The following BAZ2B variants were observed in gnomAD, a reference collection of about 807,000 sequenced individuals.
The protein encoded by BAZ2B is bromodomain adjacent to zinc finger domain 2B.
In BAZ2B, 91 loss-of-function variants were observed where a neutral mutation model predicts 246.0. The observed-to-expected ratio is 0.37, with a 90% CI of 0.31 to 0.44. The LOEUF (loss-of-function observed/expected upper bound fraction) is 0.44. Among genes scored for constraint, BAZ2B ranks in the 20% least tolerant of loss-of-function variants. The pLI, the probability that BAZ2B is intolerant of heterozygous loss-of-function variation, is 1.00. For missense variants in BAZ2B, 2,332 were observed against 2,533.7 expected (o/e 0.92, Z 1.71); for synonymous variants, 855 against 860.0 (o/e 0.99, Z 0.10).
rs536258103 is a variant in BAZ2B, at chr2:159,490,626, T to C, written c.-2-11905A>G. Among the ~76,000 whole-genome samples the C allele has an allele frequency of 6.6e-5, 10 of 152,158 alleles. No homozygotes were observed. The East Asian group carries it at 1.7e-3, about 26-fold the overall frequency. On this transcript the variant is annotated intron_variant, in intron 2 of 36. Transcript: ENST00000392783. ...GCCTCGATCTTCCCTGCTCAAGCAGTCCTCCCACCTGAGCCTCCTGAGTAG... is the reference window on the plus strand; with the variant it reads ...GCCTCGATCTTCCCTGCTCAAGCAGCCCTCCCACCTGAGCCTCCTGAGTAG...
chr2:159,468,896 A>C (rs1577405043), intron 3 of BAZ2B, among the ~76,000 whole-genome samples: 1 of 152,040 alleles, frequency 6.6e-6, no homozygotes, highest in East Asian at 1.9e-4. Context: ...TAAAAATATA[A>C]AAAAATTAGC....
intron 1 of BAZ2B, among the ~76,000 whole-genome samples, chr2:159,581,750 G>T (rs1686838970): frequency 6.6e-6 from 1 of 151,964 alleles, no homozygotes; most frequent in African/African-American, 2.4e-5. Context: ...CCATAAAAAA[G>T]GATGAGTTCA....
chr2:159,667,587 C>T, the BAZ2B span, among the ~76,000 whole-genome samples: 1 of 147,196 alleles, frequency 6.8e-6, no homozygotes, highest in African/African-American at 2.5e-5. Flanking sequence ...CAGAGTGTGA[C>T]TCTGTCTCAA....
rs542681094 is a variant in BAZ2B, at chr2:159,519,354, C to T, written c.-3+36469G>A. 2.0e-3 allele frequency among the ~76,000 whole-genome samples: 301 copies of T among 148,328 alleles called. 3 individuals carry two copies. Among genetic ancestry groups the T allele is most frequent in the Non-Finnish European group, 2.3e-3 (157 of 66,948 alleles). On this transcript the variant is annotated intron_variant, in intron 2 of 36. Coordinates refer to ENST00000392783, the MANE Select transcript of BAZ2B (RefSeq NM_013450.4). ...ACGCCATTCTCCTGCCTCAGCCTCC[C>T]GAGTAGCTGGGACTACAGGCGCCCG...
chr2:159,598,389 T>C (rs557826077), intron 1 of BAZ2B, among the ~76,000 whole-genome samples: 1 of 152,332 alleles, frequency 6.6e-6, no homozygotes, highest in Non-Finnish European at 1.5e-5. Flanking sequence ...CAGTGTCAAA[T>C]CAAAAGAGAT....
intron 1 of BAZ2B, among the ~76,000 whole-genome samples, chr2:159,590,774 A>T (rs941990449): frequency 2.0e-5 from 3 of 152,076 alleles, no homozygotes; most frequent in African/African-American, 7.2e-5. Flanking sequence ...AAAGAAGCAA[A>T]TTTTTAGCAA....
intron 1 of BAZ2B, among the ~76,000 whole-genome samples, chr2:159,582,678 C>T (rs1422413813): frequency 6.6e-6 from 1 of 151,956 alleles, no homozygotes; most frequent in Non-Finnish European, 1.5e-5. Context: ...AGCCACTGGG[C>T]CTGGATGTTC....
At chr2:159,431,702 A>T (rs1052364136) in intron 9 of BAZ2B, among the ~76,000 whole-genome samples, 6 of 152,188 alleles carry the variant, frequency 3.9e-5, no homozygotes, top group African/African-American at 1.4e-4. Context: ...TACAGAAATA[A>T]TTATAGTAGG....
In BAZ2B at chr2:159,320,117, G is replaced by T; in HGVS notation, c.*148C>A. 1.4e-6 allele frequency: 1 copy of T among 704,528 alleles called. No individual in the cohort carries two copies. The highest frequency in any genetic ancestry group is 4.3e-5 in the Admixed American group (1 of 23,388). 43.6% of individuals were successfully genotyped at this position (704,528 alleles called of 1,614,324 possible). A position where few individuals can be genotyped will look rare whatever the true frequency, so the allele number is the denominator to read the frequency against. The stretch of plus-strand genomic sequence containing the variant: ...TGTAGGAATGAAGCCTTTAAAAATG[G>T]TATCATTCTTCTGATACTTTTTTTT... On this transcript the variant is annotated 3_prime_UTR_variant, in exon 37 of 37. Transcript: ENST00000392783.
intron 20 of BAZ2B, among the ~76,000 whole-genome samples, chr2:159,389,779 T>A (rs2063108727): frequency 6.6e-6 from 1 of 152,164 alleles, no homozygotes; most frequent in African/African-American, 2.4e-5. Flanking sequence ...AATAAAGTTA[T>A]TAGCACAAAT....
chr2:159,649,030 G>A, the BAZ2B span, among the ~76,000 whole-genome samples: 1 of 152,128 alleles, frequency 6.6e-6, no homozygotes, highest in Non-Finnish European at 1.5e-5. Flanking sequence ...GGTGTGTGGT[G>A]TTATCTGGTT....
intron 16 of BAZ2B, among the ~76,000 whole-genome samples, chr2:159,402,324 C>A (rs4665067): frequency 6.6e-6 from 1 of 151,894 alleles, no homozygotes; most frequent in Non-Finnish European, 1.5e-5. Context: ...GTGGTGCATG[C>A]CTATAATCCC....
chr2:159,519,392 G>A (rs373249405), intron 2 of BAZ2B, among the ~76,000 whole-genome samples: 1 of 147,308 alleles, frequency 6.8e-6, no homozygotes, highest in Non-Finnish European at 1.5e-5. Flanking sequence ...ACCGCGCCCG[G>A]CTAATTTTTT....
At chr2:159,596,701 T>A (rs1383471416) in intron 1 of BAZ2B, among the ~76,000 whole-genome samples, 4 of 152,112 alleles carry the variant, frequency 2.6e-5, no homozygotes, top group Non-Finnish European at 5.9e-5. Flanking sequence ...TCCCCCTGAA[T>A]CCCCAAAGTC....
chr2:159,620,360 G>A (rs934951589), upstream of BAZ2B, among the ~76,000 whole-genome samples: 2 of 152,208 alleles, frequency 1.3e-5, no homozygotes, highest in African/African-American at 4.8e-5. Flanking sequence ...ACATTTGAGT[G>A]CTTGCTATAT....
chr2:159,459,816 A>G (rs1472674391), intron 3 of BAZ2B: 3 of 152,096 alleles, frequency 2.0e-5, no homozygotes, highest in African/African-American at 7.2e-5. Context: ...TTACATTAAT[A>G]TACTTAATAT....
chr2:159,343,233 G>A (rs970761374), intron 31 of BAZ2B, among the ~76,000 whole-genome samples: 1 of 152,098 alleles, frequency 6.6e-6, no homozygotes, highest in Non-Finnish European at 1.5e-5. Flanking sequence ...AATTAAACTA[G>A]ACCCCCACCT....
intron 4 of BAZ2B, among the ~76,000 whole-genome samples, chr2:159,451,152 G>A (rs908831227): frequency 3.3e-5 from 5 of 151,654 alleles, no homozygotes; most frequent in African/African-American, 9.7e-5. Flanking sequence ...AAAATACTTC[G>A]CAAAAATTCA....
chr2:159,488,700 G>GT (rs1188872008), intron 2 of BAZ2B, among the ~76,000 whole-genome samples: 3 of 151,882 alleles, frequency 2.0e-5, no homozygotes, highest in Non-Finnish European at 2.9e-5. Flanking sequence ...CCCATTTTCT[G>GT]TTTTTTTAGG....
Sources: gnomAD v4.1 joint callset for allele counts (sites outside exome capture counted in the v4.1 genomes callset) on GRCh38, gnomAD v4.1.1 for gene constraint, MANE v1.5 for transcripts, NCBI Gene and HGNC (gene_info 2026-07-23, HGNC 2026-07-21) for gene names.